WWOX: variants seen among roughly 807,000 people sequenced by gnomAD.
WWOX encodes the protein WW domain containing oxidoreductase.
Under a neutral mutation model 46.2 loss-of-function variants are expected in WWOX, and 69 were observed. The ratio of observed to expected loss-of-function variants is 1.49; its 90% CI spans 1.23 to 1.82. The LOEUF is 1.82. Ranked by LOEUF, WWOX falls within the 40% of genes most tolerant of loss-of-function variation. WWOX has a pLI of 0.00. For synonymous variants in WWOX, 359 were observed against 202.6 expected (o/e 1.77, Z -6.56); for missense variants, 919 against 542.6 (o/e 1.69, Z -6.89).
At chr16:78,858,995 G>T (rs1597730580) in intron 8 of WWOX, among the ~76,000 whole-genome samples, 2 of 30,340 alleles carry the variant, frequency 6.6e-5, no homozygotes, top group African/African-American at 1.3e-4. Context: ...TACTAGTTTT[G>T]AAATTTAAAA....
At chr16:78,718,280 G>A (rs2048615056) in intron 8 of WWOX, among the ~76,000 whole-genome samples, 1 of 151,762 alleles carries the variant, frequency 6.6e-6, no homozygotes, top group Non-Finnish European at 1.5e-5. Flanking sequence ...TCCATGTTAA[G>A]AGAAAAGTCC....
intron 5 of WWOX, among the ~76,000 whole-genome samples, chr16:78,361,621 T>G (rs916308598): frequency 1.3e-5 from 2 of 152,124 alleles, no homozygotes; most frequent in African/African-American, 4.8e-5. Context: ...TTTTCTTTTC[T>G]TTTTGTTGAG....
chr16:78,431,305 C>G (rs892158018), intron 7 of WWOX, among the ~76,000 whole-genome samples: 1 of 152,154 alleles, frequency 6.6e-6, no homozygotes, highest in African/African-American at 2.4e-5. Flanking sequence ...TTACATTTTT[C>G]TTTTAAACGT....
At chr16:78,616,392 T>C (rs2046025635) in intron 8 of WWOX, among the ~76,000 whole-genome samples, 1 of 152,196 alleles carries the variant, frequency 6.6e-6, no homozygotes, top group East Asian at 1.9e-4. Flanking sequence ...CCGGTGAGGA[T>C]TTGTTTTTGA....
intron 8 of WWOX, among the ~76,000 whole-genome samples, chr16:78,454,631 G>C (rs1028332107): frequency 1.3e-5 from 2 of 152,206 alleles, no homozygotes; most frequent in African/African-American, 4.8e-5. Flanking sequence ...TCAGCCTCTT[G>C]AGTAGCTGGG....
chr16:78,156,130 C>G (rs185034529), intron 4 of WWOX, among the ~76,000 whole-genome samples: 17 of 152,288 alleles, frequency 1.1e-4, no homozygotes, highest in Admixed American at 9.2e-4. Context: ...TCACAAGACA[C>G]AGAGACAGAT....
intron 8 of WWOX, among the ~76,000 whole-genome samples, chr16:78,985,465 G>A (rs769321212): frequency 7.2e-5 from 11 of 152,140 alleles, no homozygotes; most frequent in African/African-American, 1.7e-4. Flanking sequence ...AGTGGAAGTC[G>A]CCTGCACTAC....
chr16:79,012,481 C>T (rs1444568978), intron 8 of WWOX, among the ~76,000 whole-genome samples: 1 of 152,108 alleles, frequency 6.6e-6, no homozygotes, highest in East Asian at 1.9e-4. Flanking sequence ...GTGATTTGCC[C>T]ACCTTAGCCT....
chr16:78,615,617 C>T (rs1273700512), intron 8 of WWOX, among the ~76,000 whole-genome samples: 2 of 151,862 alleles, frequency 1.3e-5, no homozygotes, highest in African/African-American at 4.8e-5. Context: ...GTTCGCACCA[C>T]TGTATTCCAG....
rs180744941 is a variant in WWOX, at chr16:78,606,483, T to C, written c.1056+173731T>C. ...AAAAAAAAAAGGGTGCTTGATGCCC[T>C]GCTCCTGCTATGTCCGGGAATTTCT... On this transcript the variant is annotated intron_variant, in intron 8 of 8. Coordinates refer to ENST00000566780, the MANE Select transcript of WWOX (RefSeq NM_016373.4). 1.4e-4 allele frequency among the ~76,000 whole-genome samples: 22 copies of C among 151,994 alleles called. No homozygotes were observed. In the East Asian group the frequency reaches 3.9e-3, roughly 27 times the overall value.
intron 8 of WWOX, among the ~76,000 whole-genome samples, chr16:78,923,273 G>A (rs2045421744): frequency 6.6e-6 from 1 of 152,170 alleles, no homozygotes; most frequent in African/African-American, 2.4e-5. Flanking sequence ...GAGCCACTGT[G>A]CCCGGCCATC....
intron 4 of WWOX, among the ~76,000 whole-genome samples, chr16:78,156,497 C>T (rs987830768): frequency 5.3e-5 from 8 of 152,178 alleles, no homozygotes; most frequent in African/African-American, 9.7e-5. Flanking sequence ...TCCAGAGCTG[C>T]AGCCTATTAG....
At chr16:78,858,453 A>G (rs1284346540) in intron 8 of WWOX, among the ~76,000 whole-genome samples, 3 of 152,064 alleles carry the variant, frequency 2.0e-5, no homozygotes, top group East Asian at 3.9e-4. Context: ...GAAGAATAAT[A>G]CATGTATTAT....
At chr16:78,104,717 C>T (rs1454968701) in intron 1 of WWOX, among the ~76,000 whole-genome samples, 1 of 152,078 alleles carries the variant, frequency 6.6e-6, no homozygotes, top group African/African-American at 2.4e-5. Context: ...ATTTTCTCTT[C>T]ATTAAAAAGT....
At chr16:78,684,468 C>T (rs552255466) in intron 8 of WWOX, among the ~76,000 whole-genome samples, 2 of 152,236 alleles carry the variant, frequency 1.3e-5, no homozygotes, top group East Asian at 1.9e-4. Context: ...CAGATCAAGT[C>T]CAGAATTCCT....
At chr16:78,528,310 G>A (rs1391333298) in intron 8 of WWOX, among the ~76,000 whole-genome samples, 3 of 150,444 alleles carry the variant, frequency 2.0e-5, no homozygotes, top group Admixed American at 6.7e-5. Flanking sequence ...CACCACACCC[G>A]CCCTACATGG....
chr16:78,514,782 T>A (rs2085449318), intron 8 of WWOX, among the ~76,000 whole-genome samples: 1 of 152,176 alleles, frequency 6.6e-6, no homozygotes, highest in South Asian at 2.1e-4. Flanking sequence ...ACATAAATAA[T>A]GTTACTATAA....
intron 5 of WWOX, among the ~76,000 whole-genome samples, chr16:78,356,252 A>G (rs894409910): frequency 1.3e-5 from 2 of 152,072 alleles, no homozygotes; most frequent in South Asian, 2.1e-4. Context: ...TATAAAATAT[A>G]TGTATCATAT....
chr16:78,770,019 G>C (rs2050026186), intron 8 of WWOX, among the ~76,000 whole-genome samples: 1 of 151,876 alleles, frequency 6.6e-6, no homozygotes, highest in African/African-American at 2.4e-5. Context: ...ACTACAGCCT[G>C]GGTGACAGAG....
Sources: gnomAD v4.1 joint callset for allele counts (sites outside exome capture counted in the v4.1 genomes callset) on GRCh38, gnomAD v4.1.1 for gene constraint, MANE v1.5 for transcripts, NCBI Gene and HGNC (gene_info 2026-07-23, HGNC 2026-07-21) for gene names.